Variants in DLG2 observed in about 807,000 individuals in gnomAD.
DLG2 encodes disks large homolog 2.
In DLG2, 45 loss-of-function variants were observed where a neutral mutation model predicts 132.5. The ratio of observed to expected loss-of-function variants is 0.34; its 90% CI spans 0.27 to 0.44. The LOEUF (loss-of-function observed/expected upper bound fraction) is 0.44, where lower values mean the gene tolerates loss of function less well. Among genes scored for constraint, DLG2 ranks in the 20% least tolerant of loss-of-function variants. The pLI, the probability that DLG2 is intolerant of heterozygous loss-of-function variation, is 1.00. For synonymous variants in DLG2, 424 were observed against 419.6 expected (o/e 1.01, Z -0.13); for missense variants, 1,045 against 1,196.9 (o/e 0.87, Z 1.87).
At chr11:83,564,136 G>A (rs1363006188) in intron 19 of DLG2, among the ~76,000 whole-genome samples, 1 of 151,530 alleles carries the variant, frequency 6.6e-6, no homozygotes, top group African/African-American at 2.4e-5. Context: ...AAAATCATTG[G>A]TGGGAATGTT....
intron 6 of DLG2, among the ~76,000 whole-genome samples, chr11:84,744,728 C>T (rs114133811): frequency 0.01 from 1,572 of 152,050 alleles, 29 homozygotes; most frequent in African/African-American, 0.036. Context: ...CTTTCTCCCA[C>T]AGCTGGATAC....
intron 4 of DLG2, among the ~76,000 whole-genome samples, chr11:85,210,811 A>C (rs1208123461): frequency 6.6e-6 from 1 of 152,136 alleles, no homozygotes; most frequent in African/African-American, 2.4e-5. Flanking sequence ...AACTTCTTTA[A>C]AACTGCTACA....
intron 6 of DLG2, among the ~76,000 whole-genome samples, chr11:84,538,491 C>T (rs902001128): frequency 3.3e-5 from 5 of 152,160 alleles, no homozygotes; most frequent in South Asian, 2.1e-4. Context: ...AGACAAATCC[C>T]GTGATGTGAA....
intron 8 of DLG2, among the ~76,000 whole-genome samples, chr11:84,182,997 G>T (rs1379219811): frequency 1.3e-5 from 2 of 152,048 alleles, no homozygotes; most frequent in East Asian, 1.9e-4. Flanking sequence ...AAGGTGAAAT[G>T]AACTGTTTTC....
At chr11:83,850,742 A>G (rs1236530511) in intron 16 of DLG2, among the ~76,000 whole-genome samples, 2 of 152,182 alleles carry the variant, frequency 1.3e-5, no homozygotes, top group Non-Finnish European at 2.9e-5. Flanking sequence ...TACTTTCTTC[A>G]TTCATTTAAC....
At chr11:84,319,220 C>T (rs2098388641) in intron 7 of DLG2, among the ~76,000 whole-genome samples, 2 of 152,020 alleles carry the variant, frequency 1.3e-5, no homozygotes, top group South Asian at 4.1e-4. Flanking sequence ...TCCCTCCCTC[C>T]CCCCTTTTTA....
rs191502665 is a variant in DLG2, at chr11:83,963,148, C to T, written c.1202-125G>A. 86 of 1,031,718 alleles carry T rather than the reference C, an allele frequency of 8.3e-5. 1 individual carries two copies. The East Asian group carries it at 1.4e-3, about 17-fold the overall frequency. 63.9% of individuals were successfully genotyped at this position (1,031,718 alleles called of 1,614,324 possible). A position where few individuals can be genotyped will look rare whatever the true frequency, so the allele number is the denominator to read the frequency against. On this transcript the variant is annotated intron_variant, in intron 13 of 27. Transcript: ENST00000376104. ...GCTGCATGCCAAGGTTTTTCTTGTCCTCCCAGAGGGGGGAGTTGCAGCTTA... is the reference window on the plus strand; with the variant it reads ...GCTGCATGCCAAGGTTTTTCTTGTCTTCCCAGAGGGGGGAGTTGCAGCTTA...
chr11:85,033,086 G>C lies in DLG2; in HGVS notation c.357+78575C>G, dbSNP rs1050189240. 3.3e-5 allele frequency among the ~76,000 whole-genome samples: 5 copies of C among 152,204 alleles called. No homozygotes were observed. In the East Asian group the frequency reaches 9.7e-4, roughly 29 times the overall value. Reference sequence around the variant, plus strand: ...ATGAAATATTATTTATATGTGCTTTGGTGCAAAAAGTTCCCAACAGATAAA... The same window carrying C: ...ATGAAATATTATTTATATGTGCTTTCGTGCAAAAAGTTCCCAACAGATAAA... On this transcript the variant is annotated intron_variant, in intron 6 of 27. Coordinates refer to ENST00000376104, the MANE Select transcript of DLG2 (RefSeq NM_001142699.3).
intron 17 of DLG2, among the ~76,000 whole-genome samples, chr11:83,798,969 C>A (rs1357797354): frequency 6.6e-6 from 1 of 152,208 alleles, no homozygotes; most frequent in Non-Finnish European, 1.5e-5. Flanking sequence ...CACACCATCT[C>A]TAGGGTCCCC....
intron 6 of DLG2, among the ~76,000 whole-genome samples, chr11:85,059,227 T>C (rs2063774574): frequency 6.6e-6 from 1 of 151,224 alleles, no homozygotes; most frequent in Non-Finnish European, 1.5e-5. Context: ...AAATACAAAA[T>C]TGAAATTACA....
At chr11:85,102,524 T>C (rs1236852342) in intron 6 of DLG2, among the ~76,000 whole-genome samples, 3 of 151,988 alleles carry the variant, frequency 2.0e-5, no homozygotes, top group African/African-American at 4.8e-5. Context: ...GCCAATACAT[T>C]ATTTTAGCAA....
intron 6 of DLG2, among the ~76,000 whole-genome samples, chr11:84,960,045 C>A (rs1219226981): frequency 6.6e-6 from 1 of 152,266 alleles, no homozygotes; most frequent in East Asian, 1.9e-4. Flanking sequence ...AGGTATTTTG[C>A]ACATACCATC....
Position 84,255,627 on chromosome 11 carries a change from A to T in DLG2, c.520-4336T>A, listed in dbSNP as rs141121140. On this transcript the variant is annotated intron_variant, in intron 7 of 27. Coordinates refer to ENST00000376104, the MANE Select transcript of DLG2 (RefSeq NM_001142699.3). The stretch of plus-strand genomic sequence containing the variant: ...TGTGAGCCACCACGTCCGGCCATAC[A>T]CTCTCTTTCTTCCTTTTGGATATCC... Among the ~76,000 whole-genome samples the T allele has an allele frequency of 3.3e-5, 5 of 151,820 alleles. No individual in the cohort carries two copies. The East Asian group carries it at 7.8e-4, about 24-fold the overall frequency.
Position 85,426,961 on chromosome 11 carries a change from C to T in DLG2, c.41-141596G>A, listed in dbSNP as rs577341249. On this transcript the variant is annotated intron_variant, in intron 3 of 27. Transcript: ENST00000376104. ...CCTGATGGAGCTGAAAACCAAGGCA[C>T]GAGAAATACGTGATGAATGCACAAG... Among the ~76,000 whole-genome samples, 72 of 152,074 alleles carry T rather than the reference C, an allele frequency of 4.7e-4. No homozygotes were observed. The Middle Eastern group carries it at 0.01, about 22-fold the overall frequency.
intron 7 of DLG2, among the ~76,000 whole-genome samples, chr11:84,474,213 A>T (rs929906969): frequency 6.6e-6 from 1 of 151,988 alleles, no homozygotes. Context: ...CAGTGCCAGG[A>T]TGGGGAAGAA....
chr11:83,787,751 C>T (rs577114840), intron 17 of DLG2, among the ~76,000 whole-genome samples: 53 of 152,248 alleles, frequency 3.5e-4, no homozygotes, highest in African/African-American at 1.3e-3. Flanking sequence ...GGGTCCCATA[C>T]TGAAAGAGAA....
chr11:85,325,235 A>C, intron 3 of DLG2, among the ~76,000 whole-genome samples: 1 of 152,046 alleles, frequency 6.6e-6, no homozygotes, highest in South Asian at 2.1e-4. Flanking sequence ...AGGTAAACAA[A>C]GCAGCTGGGA....
At chr11:84,945,761 T>G (rs1156822262) in intron 6 of DLG2, among the ~76,000 whole-genome samples, 3 of 152,156 alleles carry the variant, frequency 2.0e-5, no homozygotes, top group Non-Finnish European at 4.4e-5. Flanking sequence ...CCACCCTTGC[T>G]GGTGTATCAC....
chr11:83,933,820 C>CA (rs976087500), intron 14 of DLG2, among the ~76,000 whole-genome samples: 11 of 146,162 alleles, frequency 7.5e-5, no homozygotes, highest in East Asian at 6.0e-4. Context: ...TGGTGGGGCT[C>CA]AAAAAAAAGA....
Sources: gnomAD v4.1 joint callset for allele counts (sites outside exome capture counted in the v4.1 genomes callset) on GRCh38, gnomAD v4.1.1 for gene constraint, MANE v1.5 for transcripts, NCBI Gene and HGNC (gene_info 2026-07-23, HGNC 2026-07-21) for gene names.